Variants in SPEF2 observed in about 807,000 individuals in gnomAD.
SPEF2 encodes sperm flagella and cilia-associated protein 2.
A neutral mutation model predicts 224.6 loss-of-function variants in SPEF2; 187 were observed. The ratio of observed to expected loss-of-function variants is 0.83; its 90% CI spans 0.74 to 0.94. The LOEUF is 0.94. Among genes scored for constraint, SPEF2 ranks in the 40% least tolerant of loss-of-function variants. SPEF2 has a pLI of 0.00. For synonymous variants in SPEF2, 715 were observed against 707.3 expected (o/e 1.01, Z -0.17); for missense variants, 2,170 against 2,135.6 (o/e 1.02, Z -0.32).
chr5:35,770,677 G>A (rs553100440), intron 26 of SPEF2, among the ~76,000 whole-genome samples: 1 of 152,240 alleles, frequency 6.6e-6, no homozygotes, highest in African/African-American at 2.4e-5. Context: ...GTGTTGTCAT[G>A]GGACAAGGTT....
At position 35,763,690 on chromosome 5, in the gene SPEF2, A is replaced by G. The variant is rs764117118; in HGVS notation, c.3789A>G (p.Ala1263=). 2.5e-6 allele frequency: 4 copies of G among 1,610,688 alleles called. No individual in the cohort carries two copies. Among genetic ancestry groups the G allele is most frequent in the Non-Finnish European group, 3.4e-6 (4 of 1,179,028 alleles). The change falls in exon 26 of 37, where the codon GCA becomes GCG. Residue 1263 remains alanine (A), a synonymous_variant. Transcript: ENST00000356031. Reference sequence around the variant, plus strand: ...ACACCTGGCAGCAGGCTTCTTTAGCAGTATCTCACATGGTAAGCAGTGCTC... The same window carrying G: ...ACACCTGGCAGCAGGCTTCTTTAGCGGTATCTCACATGGTAAGCAGTGCTC... ...VMDTWQQASL[A]VSHMVAAEIH...
rs776007642 is a variant in SPEF2, at chr5:35,675,042, G to A, written c.1524+4815G>A. On this transcript the variant is annotated intron_variant, in intron 10 of 36. Coordinates refer to ENST00000356031, the MANE Select transcript of SPEF2 (RefSeq NM_024867.4). ...CATTTTAATATAAATGTATATAATT[G>A]CATTGTGTAGTACTGGAGGGCCCTG... 8.2e-4 allele frequency among the ~76,000 whole-genome samples: 125 copies of A among 152,140 alleles called. 1 individual carries two copies. Among genetic ancestry groups the A allele is most frequent in the Non-Finnish European group, 1.1e-3 (73 of 68,004 alleles).
rs888527854 is a variant in SPEF2, at chr5:35,670,395, A to G, written c.1524+168A>G. 8 of 1,360,316 alleles carry G rather than the reference A, an allele frequency of 5.9e-6. No homozygotes were observed. In the African/African-American group the frequency reaches 1.2e-4, roughly 20 times the overall value. 84.3% of individuals were successfully genotyped at this position (1,360,316 alleles called of 1,614,324 possible). ...TTTGTACTACTTTTTAGATGCTTAA[A>G]CTATACATAAGCTATTATCTATTGT... On this transcript the variant is annotated intron_variant, in intron 10 of 36. Coordinates refer to ENST00000356031, the MANE Select transcript of SPEF2 (RefSeq NM_024867.4).
intron 21 of SPEF2, among the ~76,000 whole-genome samples, chr5:35,736,194 T>C (rs531536847): frequency 6.6e-6 from 1 of 152,334 alleles, no homozygotes; most frequent in East Asian, 1.9e-4. Context: ...ATGCAGTCTT[T>C]TTTACATTAT....
At chr5:35,654,797 ATATGTAGTT>A in intron 7 of SPEF2, 71 bp downstream of exon 7, 1 of 1,352,332 alleles carries the variant, frequency 7.4e-7, no homozygotes. Context: ...TATACACATA[ATATGTAGTT>A]TATATATGTA....
intron 33 of SPEF2, 30 bp downstream of exon 33, chr5:35,795,825 C>T (rs775311444): frequency 6.6e-7 from 1 of 1,523,782 alleles, no homozygotes; most frequent in Non-Finnish European, 9.1e-7. Context: ...AAACATGTGG[C>T]ATTATAGCAC....
chr5:35,788,372 G>A, intron 30 of SPEF2: 1 of 702,966 alleles, frequency 1.4e-6, no homozygotes, highest in Non-Finnish European at 2.6e-6. Context: ...TAAAAAATCA[G>A]CAAGAATGTT....
At chr5:35,685,880 T>A (rs1753540645) in intron 10 of SPEF2, among the ~76,000 whole-genome samples, 1 of 151,044 alleles carries the variant, frequency 6.6e-6, no homozygotes, top group South Asian at 2.1e-4. Context: ...AAAAAAAATC[T>A]AACTGACTTA....
intron 2 of SPEF2, among the ~76,000 whole-genome samples, chr5:35,640,358 G>T (rs1354167681): frequency 6.6e-6 from 1 of 152,140 alleles, no homozygotes; most frequent in Admixed American, 6.6e-5. Context: ...CCTAAAATGG[G>T]AAGGGCATGA....
intron 18 of SPEF2, 94 bp from the exon 19 acceptor site, chr5:35,708,854 T>C: frequency 3.5e-6 from 4 of 1,159,126 alleles, no homozygotes; most frequent in South Asian, 1.6e-5. Context: ...ATACGTAAGA[T>C]TGTTTTATAT....
intron 35 of SPEF2, 25 bp from the exon 36 acceptor site, chr5:35,807,106 A>G: frequency 6.3e-7 from 1 of 1,598,042 alleles, no homozygotes; most frequent in Non-Finnish European, 8.5e-7. Flanking sequence ...AGGTTGATTA[A>G]CTTCATTTTT....
chr5:35,794,024 A>G (rs568876198), intron 32 of SPEF2, among the ~76,000 whole-genome samples: 2 of 152,354 alleles, frequency 1.3e-5, no homozygotes, highest in South Asian at 4.1e-4. Flanking sequence ...GGCAGGTGGC[A>G]TGTAACCGGT....
At chr5:35,644,236 A>G in intron 3 of SPEF2, 119 bp from the exon 4 acceptor site, 1 of 839,756 alleles carries the variant, frequency 1.2e-6, no homozygotes, top group Non-Finnish European at 1.7e-6. Flanking sequence ...AATTTAGCTT[A>G]ACTATCAACA....
chr5:35,645,821 GA>G (rs1246718046), intron 4 of SPEF2, among the ~76,000 whole-genome samples: 1 of 151,904 alleles, frequency 6.6e-6, no homozygotes, highest in Admixed American at 6.6e-5. Context: ...GTCTTCTTAA[GA>G]AAAAAAGATA....
chr5:35,673,652 A>G (rs889518875), intron 10 of SPEF2, among the ~76,000 whole-genome samples: 5 of 152,158 alleles, frequency 3.3e-5, no homozygotes, highest in African/African-American at 1.2e-4. Context: ...GTTGTTCATG[A>G]TTTTTAATTG....
intron 4 of SPEF2, 74 bp downstream of exon 4, chr5:35,644,599 A>T: frequency 8.6e-7 from 1 of 1,167,302 alleles, no homozygotes; most frequent in Middle Eastern, 2.9e-4. Flanking sequence ...TATAGTACAC[A>T]TTGCATAAGT....
At chr5:35,721,147 C>A (rs752841215) in intron 20 of SPEF2, among the ~76,000 whole-genome samples, 1 of 152,142 alleles carries the variant, frequency 6.6e-6, no homozygotes, top group Non-Finnish European at 1.5e-5. Context: ...TATGTTCACA[C>A]AGAGAACCTT....
intron 30 of SPEF2, chr5:35,790,117 T>C (rs531842711): frequency 1.4e-6 from 1 of 702,958 alleles, no homozygotes; most frequent in South Asian, 1.5e-5. Context: ...GACCTAGTGT[T>C]GACCCTTCCT....
In SPEF2 at chr5:35,694,302, A is replaced by C; in HGVS notation, c.1914A>C (p.Val638=). The change falls in exon 13 of 37, where the codon GTA becomes GTC. Residue 638 remains valine, a synonymous_variant. Coordinates refer to ENST00000356031, the MANE Select transcript of SPEF2 (RefSeq NM_024867.4). ...TCTCTCCAAAGGATCCACAACATGTATTTTCAGCTGGTCCAGTTTCAGATG... is the reference window on the plus strand; with the variant it reads ...TCTCTCCAAAGGATCCACAACATGTCTTTTCAGCTGGTCCAGTTTCAGATG... ...EIKESQDPQH[V]FSAGPVSDEV... is the part of the protein sequence containing the mutation. 6.2e-7 allele frequency: 1 copy of C among 1,613,610 alleles called. No homozygotes were observed. Among genetic ancestry groups the C allele is most frequent in the Middle Eastern group, 1.7e-4 (1 of 6,050 alleles).
Sources: gnomAD v4.1 joint callset for allele counts (sites outside exome capture counted in the v4.1 genomes callset) on GRCh38, gnomAD v4.1.1 for gene constraint, MANE v1.5 for transcripts, NCBI Gene and HGNC (gene_info 2026-07-23, HGNC 2026-07-21) for gene names.